Variants in EXD1 observed in about 807,000 individuals in gnomAD.
The protein encoded by EXD1 is piRNA biogenesis protein EXD1.
A neutral mutation model predicts 49.1 loss-of-function variants in EXD1; 63 were observed. The ratio of observed to expected loss-of-function variants is 1.28; its 90% CI spans 1.05 to 1.58. The LOEUF is 1.58. EXD1 is among the 40% of genes most tolerant of loss of function. The pLI, the probability that EXD1 is intolerant of heterozygous loss-of-function variation, is 0.00. For synonymous variants in EXD1, 234 were observed against 239.2 expected, an observed-to-expected ratio of 0.98 and a Z score of 0.20; for missense variants, 748 against 666.0, an observed-to-expected ratio of 1.12 and a Z score of -1.36.
chr15:41,190,193 G>A (rs776460495), intron 10 of EXD1, 65 bp from the exon 11 acceptor site: 5 of 1,565,496 alleles, frequency 3.2e-6, no homozygotes, highest in Non-Finnish European at 4.4e-6. Flanking sequence ...AACTGTTTTA[G>A]GCTGGGCACA....
intron 7 of EXD1, among the ~76,000 whole-genome samples, chr15:41,202,605 A>G (rs1048767408): frequency 2.6e-5 from 4 of 152,106 alleles, no homozygotes; most frequent in Non-Finnish European, 5.9e-5. Context: ...CCTCCTGAGT[A>G]CCTGGGATTA....
intron 3 of EXD1, 39 bp downstream of exon 3, chr15:41,219,791 T>A (rs1327243893): frequency 6.9e-7 from 1 of 1,446,514 alleles, no homozygotes; most frequent in Non-Finnish European, 9.4e-7. Context: ...TGGAATGAAA[T>A]CTCAGTACTA....
At chr15:41,186,961 C>T (rs1375484255) in intron 11 of EXD1, among the ~76,000 whole-genome samples, 2 of 151,212 alleles carry the variant, frequency 1.3e-5, no homozygotes, top group East Asian at 1.9e-4. Context: ...CTCAGCTCAC[C>T]GCAACCTCCG....
chr15:41,195,692 T>TC, intron 9 of EXD1, 83 bp downstream of exon 9: 1 of 1,005,392 alleles, frequency 9.9e-7, no homozygotes, highest in Non-Finnish European at 1.4e-6. Context: ...AAAAAGACTT[T>TC]CACTCATCAG....
intron 7 of EXD1, among the ~76,000 whole-genome samples, chr15:41,199,458 A>G (rs9972349): frequency 0.52 from 77,082 of 147,922 alleles, 22,114 homozygotes; most frequent in African/African-American, 0.78. Context: ...AATTCACAGC[A>G]CCTCTGGATA....
At chr15:41,210,471 C>T (rs903814771) in intron 6 of EXD1, among the ~76,000 whole-genome samples, 8 of 152,124 alleles carry the variant, frequency 5.3e-5, no homozygotes, top group Non-Finnish European at 8.8e-5. Context: ...GAAGGAGGAT[C>T]GTTTGAGCCC....
At chr15:41,197,704 A>G (rs2046637998) in intron 7 of EXD1, among the ~76,000 whole-genome samples, 1 of 151,478 alleles carries the variant, frequency 6.6e-6, no homozygotes, top group African/African-American at 2.4e-5. Context: ...ATCTTGGCTC[A>G]CTACAACCTC....
chr15:41,214,966 C>G (rs1272598620), intron 6 of EXD1, among the ~76,000 whole-genome samples: 1 of 152,046 alleles, frequency 6.6e-6, no homozygotes, highest in Non-Finnish European at 1.5e-5. Flanking sequence ...AGGATGGTCT[C>G]AATCTCCTGA....
chr15:41,203,548 C>T (rs2046767478), intron 7 of EXD1, among the ~76,000 whole-genome samples: 2 of 152,086 alleles, frequency 1.3e-5, no homozygotes, highest in African/African-American at 4.8e-5. Context: ...CTGAAGCTAG[C>T]CATAGAAACT....
chr15:41,221,998 G>A (rs917102791), intron 2 of EXD1, among the ~76,000 whole-genome samples: 5 of 151,880 alleles, frequency 3.3e-5, no homozygotes, highest in African/African-American at 4.8e-5. Flanking sequence ...TACGTGGGAG[G>A]CTGAGGTAGA....
At chr15:41,192,573 G>A (rs1467500206) in intron 9 of EXD1, among the ~76,000 whole-genome samples, 2 of 141,036 alleles carry the variant, frequency 1.4e-5, no homozygotes, top group African/African-American at 5.2e-5. Context: ...GGGATTACAG[G>A]CGTGAACCAC....
At chr15:41,190,898 GTTTATTTA>G (rs67997140) in intron 10 of EXD1, among the ~76,000 whole-genome samples, 4 of 151,212 alleles carry the variant, frequency 2.6e-5, no homozygotes, top group Non-Finnish European at 4.4e-5. Context: ...GTGCTTATTT[GTTTATTTA>G]TTTATTTATT....
chr15:41,213,501 T>TTTTTGTTTTGTTTTGTTTTGTTTTG (rs371124639), intron 6 of EXD1, among the ~76,000 whole-genome samples: 13,193 of 150,362 alleles, frequency 0.088, 744 homozygotes, highest in East Asian at 0.17. Context: ...GTCCAGCCAG[T>TTTTTGTTTTGTTTTGTTTTGTTTTG]TTTTGTTTTG....
chr15:41,227,324 A>AT (rs939556744), intron 1 of EXD1, among the ~76,000 whole-genome samples: 2 of 152,242 alleles, frequency 1.3e-5, no homozygotes, highest in Admixed American at 1.3e-4. Context: ...ATTTCTGTGT[A>AT]TTTTTTTATT....
At chr15:41,194,158 C>T (rs188233355) in intron 9 of EXD1, among the ~76,000 whole-genome samples, 9 of 151,956 alleles carry the variant, frequency 5.9e-5, no homozygotes, top group Non-Finnish European at 8.8e-5. Context: ...ACTACAGGCG[C>T]CTGCCACCAT....
intron 1 of EXD1, among the ~76,000 whole-genome samples, 161 bp from the exon 2 acceptor site, chr15:41,226,789 C>T (rs1420783314): frequency 6.6e-6 from 1 of 152,124 alleles, no homozygotes; most frequent in Non-Finnish European, 1.5e-5. Context: ...CAAGCACCAA[C>T]TCTCATACAT....
At position 41,207,806 on chromosome 15, in the gene EXD1, T is replaced by A. The variant is rs541207230; in HGVS notation, c.534+1695A>T. ...TGGGCAGATCACCTGAGGCCAGGAA[T>A]TCGAGACAAGCCTGGCCAACATGGT... On this transcript the variant is annotated intron_variant, in intron 7 of 11. Transcript: ENST00000458580. Among the ~76,000 whole-genome samples the A allele has an allele frequency of 2.0e-5, 3 of 151,774 alleles. No individual in the cohort carries two copies. In the East Asian group the frequency reaches 5.8e-4, roughly 30 times the overall value.
At chr15:41,222,207 G>T (rs892092969) in intron 2 of EXD1, among the ~76,000 whole-genome samples, 1 of 152,212 alleles carries the variant, frequency 6.6e-6, no homozygotes, top group Non-Finnish European at 1.5e-5. Context: ...CTGAGGTCAG[G>T]AGTTCAAGAC....
chr15:41,191,206 G>A (rs1386727626), intron 10 of EXD1, among the ~76,000 whole-genome samples: 4 of 152,090 alleles, frequency 2.6e-5, no homozygotes, highest in Admixed American at 6.6e-5. Context: ...GATTATAGGC[G>A]TGAGCCACCG....
Sources: allele counts gnomAD v4.1 joint callset (sites outside exome capture counted in the v4.1 genomes callset), GRCh38; gene constraint gnomAD v4.1.1; transcripts MANE v1.5; gene names NCBI Gene and HGNC (gene_info 2026-07-23, HGNC 2026-07-21).